The following SYNJ1 variants were observed in gnomAD, a reference collection of about 807,000 sequenced individuals.
The protein encoded by SYNJ1 is polyphosphatidylinositol phosphatase SYNJ1.
SYNJ1 carries 78 observed loss-of-function variants against 168.2 expected under a neutral mutation model. The ratio of observed to expected loss-of-function variants is 0.46; its 90% CI spans 0.39 to 0.56. The LOEUF (loss-of-function observed/expected upper bound fraction) is 0.56. SYNJ1 is among the 20% of genes least tolerant of loss of function. SYNJ1 has a pLI of 0.00. For missense variants in SYNJ1, 1,303 were observed against 1,597.6 expected, an observed-to-expected ratio of 0.82 and a Z score of 3.14; for synonymous variants, 539 against 548.6, an observed-to-expected ratio of 0.98 and a Z score of 0.24.
chr21:32,708,861 G>A (rs968664952), intron 2 of SYNJ1, among the ~76,000 whole-genome samples: 8 of 151,350 alleles, frequency 5.3e-5, no homozygotes, highest in African/African-American at 1.9e-4. Context: ...GCTCACGCCT[G>A]TAATCCTAAC....
chr21:32,645,968 T>C (rs1389658568), intron 24 of SYNJ1, 179 bp from the exon 25 acceptor site: 2 of 970,666 alleles, frequency 2.1e-6, no homozygotes, highest in African/African-American at 1.6e-5. Flanking sequence ...TTTGGTACCA[T>C]GGCAGCAATA....
Position 32,638,888 on chromosome 21 carries a change from G to A in SYNJ1, c.3915+20C>T. On this transcript the variant is annotated intron_variant, in intron 31 of 32. Coordinates refer to ENST00000674351, the MANE Select transcript of SYNJ1 (RefSeq NM_203446.3). ...TCATATGCATCAAAGATAATATTTT[G>A]TGTAACAAATGAGACTTACTTGCGG... The A allele has an allele frequency of 6.4e-7, 1 of 1,572,170 alleles. No homozygotes were observed. Among genetic ancestry groups the A allele is most frequent in the Non-Finnish European group, 8.7e-7 (1 of 1,155,836 alleles).
intron 23 of SYNJ1, among the ~76,000 whole-genome samples, chr21:32,649,698 A>C (rs552938966): frequency 2.6e-5 from 4 of 152,356 alleles, no homozygotes; most frequent in African/African-American, 9.6e-5. Flanking sequence ...AAGAATGGTA[A>C]ATACATTTAA....
At chr21:32,728,171 A>T, upstream of SYNJ1, 2 of 1,150,262 alleles carry the variant, frequency 1.7e-6, no homozygotes, top group Admixed American at 3.1e-5. Flanking sequence ...CTCAGTCTCC[A>T]GCTACCTTTG....
intron 15 of SYNJ1, 148 bp downstream of exon 15, chr21:32,670,140 A>G: frequency 1.7e-6 from 1 of 590,500 alleles, no homozygotes; most frequent in Non-Finnish European, 2.8e-6. Context: ...CCTCAGACCC[A>G]AAAGTATGAG....
intron 13 of SYNJ1, among the ~76,000 whole-genome samples, chr21:32,674,015 T>C (rs2041307330): frequency 6.6e-6 from 1 of 152,228 alleles, no homozygotes; most frequent in Non-Finnish European, 1.5e-5. Context: ...GGCAGCTTGA[T>C]GAATAATGGC....
At position 32,639,765 on chromosome 21, in the gene SYNJ1, A is replaced by G; in HGVS notation, c.3603T>C (p.Arg1201=). 1 of 1,614,022 alleles carries G rather than the reference A, an allele frequency of 6.2e-7. No individual in the cohort carries two copies. The highest frequency in any genetic ancestry group is 8.5e-7 in the Non-Finnish European group (1 of 1,179,878). ...TCTGTGGGGCACTGATAACTCCAGCACGAGGAGGAATCGTCTACAGATAGG... is the reference window on the plus strand; with the variant it reads ...TCTGTGGGGCACTGATAACTCCAGCGCGAGGAGGAATCGTCTACAGATAGG... ...YSTARPTIPP[R]AGVISAPQSH... The change falls in exon 30 of 33, where the codon CGT becomes CGC. Residue 1201 remains arginine (R), a synonymous_variant. Transcript: ENST00000674351.
chr21:32,631,031 A>AG lies in SYNJ1; in HGVS notation c.*773dup. Reference sequence around the variant, plus strand: ...TAAAGTCCAGTGTGGGTGAAGCCTTAGAGGCCAAGGTCGTGAAAGGATCTA... The same window carrying AG: ...TAAAGTCCAGTGTGGGTGAAGCCTTAGGAGGCCAAGGTCGTGAAAGGATCTA... On this transcript the variant is annotated 3_prime_UTR_variant, in exon 33 of 33. Transcript: ENST00000674351. The AG allele has an allele frequency of 6.2e-7, 1 of 1,614,040 alleles. No individual in the cohort carries two copies. Among genetic ancestry groups the AG allele is most frequent in the Non-Finnish European group, 8.5e-7 (1 of 1,179,968 alleles).
intron 26 of SYNJ1, 140 bp from the exon 27 acceptor site, chr21:32,643,597 T>C (rs1286951216): frequency 9.6e-6 from 8 of 834,004 alleles, no homozygotes; most frequent in Non-Finnish European, 1.5e-5. Flanking sequence ...TTCAAAGATA[T>C]CAATACAAAC....
chr21:32,672,533 T>C (rs2041247240), intron 14 of SYNJ1, among the ~76,000 whole-genome samples: 1 of 151,936 alleles, frequency 6.6e-6, no homozygotes, highest in African/African-American at 2.4e-5. Context: ...AGAGACGGAG[T>C]TTCACCATGT....
Position 32,716,378 on chromosome 21 carries a change from G to A in SYNJ1, c.124+10394C>T, listed in dbSNP as rs987813986. ...ATTAGCTCATATTTTTTCAACCTTC[G>A]AATGTCTGAAAAGTCTTTACATCTT... On this transcript the variant is annotated intron_variant, in intron 2 of 32. Coordinates refer to ENST00000674351, the MANE Select transcript of SYNJ1 (RefSeq NM_203446.3). Among the ~76,000 whole-genome samples the A allele has an allele frequency of 3.9e-5, 6 of 152,186 alleles. No homozygotes were observed. In the South Asian group the frequency reaches 6.2e-4, roughly 16 times the overall value.
rs756737216 is a variant in SYNJ1 at position 32,631,784 on chromosome 21, G to T, written c.*21C>A. 2 of 1,609,920 alleles carry T rather than the reference G, an allele frequency of 1.2e-6. No homozygotes were observed. The highest frequency in any genetic ancestry group is 4.5e-5 in the East Asian group (2 of 44,804). The stretch of plus-strand genomic sequence containing the variant: ...ATGGTGATTCTCTTTTGCCATCAGA[G>T]ATTCCATTTGTTTTTACCTGCAAAA... On this transcript the variant is annotated 3_prime_UTR_variant, in exon 33 of 33. Transcript: ENST00000674351.
rs145712835 is a variant in SYNJ1, at chr21:32,673,463, C to T, written c.1603G>A (p.Val535Ile). 1.9e-4 allele frequency: 306 copies of T among 1,612,980 alleles called. No homozygotes were observed. Among genetic ancestry groups the T allele is most frequent in the Non-Finnish European group, 2.5e-4 (295 of 1,179,574 alleles). Reference protein sequence around the residue: ...YKYSKPKKIRVCVGTWNVNGG... With the variant: ...YKYSKPKKIRICVGTWNVNGG... ...TTCACATTCCAGGTTCCGACACATA[C>T]TCGAATTTTCTTAGGCTTTGAATAT... The change falls in exon 14 of 33, where the codon GTA becomes ATA. Residue 535 changes from valine (V) to isoleucine (I), a missense_variant. By Grantham distance (29) the Val-to-Ile change is conservative. This residue lies in a region of SYNJ1 where 920 missense variants were observed against 1,208.8 expected (regional missense o/e 0.76). Transcript: ENST00000674351.
intron 18 of SYNJ1, among the ~76,000 whole-genome samples, chr21:32,662,008 G>A (rs1319860203): frequency 1.3e-5 from 2 of 152,132 alleles, no homozygotes; most frequent in Non-Finnish European, 2.9e-5. Context: ...TCCCTTTGCG[G>A]CCACAGTGGA....
In SYNJ1 at chr21:32,694,317, G is replaced by T; in HGVS notation, c.706-6C>A. The T allele has an allele frequency of 1.3e-6, 2 of 1,494,820 alleles. No individual in the cohort carries two copies. Among genetic ancestry groups the T allele is most frequent in the Non-Finnish European group, 1.8e-6 (2 of 1,121,156 alleles). The allele number at this position is 1,494,820 out of a possible 1,614,324, so 92.6% of individuals were successfully genotyped here. A position where few individuals can be genotyped will look rare whatever the true frequency, so the allele number is the denominator to read the frequency against. On this transcript the variant is annotated splice_region_variant and splice_polypyrimidine_tract_variant and intron_variant, in intron 5 of 32. Transcript: ENST00000674351. ...GAGTCATCTAAGTACACAACCTACA[G>T]AAAAAAAAATAATATGTAAACTATT...
At chr21:32,677,129 G>A (rs1036582782) in intron 12 of SYNJ1, among the ~76,000 whole-genome samples, 1 of 152,214 alleles carries the variant, frequency 6.6e-6, no homozygotes, top group Non-Finnish European at 1.5e-5. Flanking sequence ...AAGAACAGAT[G>A]TGAATGTGTA....
Position 32,639,075 on chromosome 21 carries a change from G to A in SYNJ1, c.3748C>T (p.Gln1250Ter). Residue 1250 changes from glutamine (Q) to a stop codon, truncating the protein, a stop_gained, in exon 31 of 33, where the codon CAG becomes TAG. Coordinates refer to ENST00000674351, the MANE Select transcript of SYNJ1 (RefSeq NM_203446.3). LOFTEE classifies it high-confidence loss of function. ...PLKPQAAFPP[Q>*]SSLPPPAQRL... is the part of the protein sequence containing the mutation. Reference sequence around the variant, plus strand: ...TGAGCAGGCGGGGGCAAAGAAGACTGCGGAGGAAAAGCAGCCTGAGGCTTC... The same window carrying A: ...TGAGCAGGCGGGGGCAAAGAAGACTACGGAGGAAAAGCAGCCTGAGGCTTC... 6.2e-7 allele frequency: 1 copy of A among 1,614,076 alleles called. No individual in the cohort carries two copies. Among genetic ancestry groups the A allele is most frequent in the East Asian group, 2.2e-5 (1 of 44,880 alleles).
intron 14 of SYNJ1, among the ~76,000 whole-genome samples, chr21:32,671,914 C>T (rs569677889): frequency 6.6e-6 from 1 of 151,536 alleles, no homozygotes; most frequent in African/African-American, 2.4e-5. Context: ...AAAAAATTAG[C>T]CGGGCACGGT....
chr21:32,639,746 G>A lies in SYNJ1; in HGVS notation c.3622C>T (p.Pro1208Ser), dbSNP rs144155248. The change falls in exon 30 of 33, where the codon CCA (proline) becomes TCA (serine). Residue 1208 changes from proline (P) to serine (S), a missense_variant. Pro to Ser is a moderately conservative substitution (Grantham distance 74). This residue lies in a region of SYNJ1 where 383 missense variants were observed against 388.8 expected (regional missense o/e 0.99). Coordinates refer to ENST00000674351, the MANE Select transcript of SYNJ1 (RefSeq NM_203446.3). ...GCAGATGCCCGCGCGTGGCTCTGTG[G>A]GGCACTGATAACTCCAGCACGAGGA... ...IPPRAGVISAPQSHARASAGR... is the reference protein window; with the variant it reads ...IPPRAGVISASQSHARASAGR... The A allele has an allele frequency of 6.2e-7, 1 of 1,614,106 alleles. No individual in the cohort carries two copies.
Sources: allele counts gnomAD v4.1 joint callset (sites outside exome capture counted in the v4.1 genomes callset), GRCh38; gene constraint gnomAD v4.1.1; regional missense constraint gnomAD v4.1.1; transcripts MANE v1.5; gene names NCBI Gene and HGNC (gene_info 2026-07-23, HGNC 2026-07-21).